Variants in GPR19 observed in about 807,000 individuals in gnomAD.
The protein encoded by GPR19 is G protein-coupled receptor 19.
In GPR19, 14 loss-of-function variants were observed where a neutral mutation model predicts 28.5. That is an observed-to-expected ratio of 0.49 (90% CI 0.32 to 0.77). GPR19 has a LOEUF of 0.77. Ranked by LOEUF, GPR19 falls within the 30% of genes least tolerant of loss-of-function variation. The pLI is 0.03. For missense variants in GPR19, 409 were observed against 504.1 expected (o/e 0.81, Z 1.81); for synonymous variants, 173 against 184.1 (o/e 0.94, Z 0.49).
the GPR19 span, among the ~76,000 whole-genome samples, chr12:12,709,944 A>C: frequency 1.1e-4 from 17 of 152,224 alleles, no homozygotes; most frequent in Non-Finnish European, 2.2e-4. Context: ...ACAGGGTTTC[A>C]TAATCTGCTG....
At chr12:12,668,419 G>A (rs921393458) in intron 3 of GPR19, among the ~76,000 whole-genome samples, 6 of 151,880 alleles carry the variant, frequency 4.0e-5, no homozygotes, top group Admixed American at 1.3e-4. Flanking sequence ...AAGAGGGAGC[G>A]GAGGACCACA....
upstream of GPR19, among the ~76,000 whole-genome samples, chr12:12,696,536 T>A (rs1341991165): frequency 2.0e-5 from 3 of 152,084 alleles, no homozygotes; most frequent in Non-Finnish European, 4.4e-5. Context: ...CACAACTACT[T>A]CTTCAGAAAC....
At chr12:12,669,573 C>T (rs539443529) in intron 3 of GPR19, among the ~76,000 whole-genome samples, 5 of 152,284 alleles carry the variant, frequency 3.3e-5, no homozygotes, top group African/African-American at 1.2e-4. Flanking sequence ...ATAGGGAACC[C>T]TGAGCCAACT....
chr12:12,666,042 G>T (rs911317927), intron 3 of GPR19, among the ~76,000 whole-genome samples: 2 of 152,092 alleles, frequency 1.3e-5, no homozygotes, highest in Admixed American at 6.6e-5. Flanking sequence ...CTTAGAGGAT[G>T]AATAGGACTT....
At chr12:12,705,031 C>T in the GPR19 span, among the ~76,000 whole-genome samples, 3 of 152,074 alleles carry the variant, frequency 2.0e-5, no homozygotes, top group Non-Finnish European at 4.4e-5. Flanking sequence ...ATAGAAGATC[C>T]GAGCAGATTA....
rs1241650934 is a variant in GPR19 at position 12,661,090 on chromosome 12, A to C, written c.*111T>G. ...GTAAACAAATGAATGCATTTTACAA[A>C]ATAAAACATTTCCCTTGGAAAGTTG... On this transcript the variant is annotated 3_prime_UTR_variant, in exon 4 of 4. Coordinates refer to ENST00000651487, the MANE Select transcript of GPR19 (RefSeq NM_006143.3). This position sits in a 1 kb window ranked among gnomAD's most constrained non-coding sequence, Gnocchi z 4.2. 3 of 753,466 alleles carry C rather than the reference A, an allele frequency of 4.0e-6. No homozygotes were observed. The highest frequency in any genetic ancestry group is 4.1e-6 in the Non-Finnish European group (2 of 484,924). 46.7% of individuals were successfully genotyped at this position (753,466 alleles called of 1,614,324 possible).
In GPR19 at chr12:12,694,764, T is replaced by C. The variant is rs183475265; in HGVS notation, c.-180+695A>G. On this transcript the variant is annotated intron_variant, in intron 2 of 3. Transcript: ENST00000651487. ...GTCTGATTCCCAATTGTACACACTT[T>C]ATATGACATCATATCGAGATGTCAT... Among the ~76,000 whole-genome samples the C allele has an allele frequency of 2.8e-3, 427 of 152,300 alleles. 4 individuals carry two copies. Among genetic ancestry groups the C allele is most frequent in the African/African-American group, 9.8e-3 (406 of 41,554 alleles).
At chr12:12,707,989 C>CTTTTTTTTTTTTTTT in the GPR19 span, among the ~76,000 whole-genome samples, 1 of 62,442 alleles carries the variant, frequency 1.6e-5, no homozygotes, top group African/African-American at 5.7e-5. Context: ...ATTTCCTATT[C>CTTTTTTTTTTTTTTT]TTTTTTTTTT....
rs547849710 is a variant in GPR19, at chr12:12,676,741, C to G, written c.-23+7610G>C. On this transcript the variant is annotated intron_variant, in intron 3 of 3. Transcript: ENST00000651487. ...ACCCCCGAGTGTCCTCTGTCAGTTT[C>G]TACACGTTTCTTCCCAGTATGAGGT... Among the ~76,000 whole-genome samples the G allele has an allele frequency of 6.6e-5, 10 of 152,346 alleles. No homozygotes were observed. In the South Asian group the frequency reaches 2.1e-3, roughly 32 times the overall value.
At chr12:12,713,057 C>CTT in the GPR19 span, among the ~76,000 whole-genome samples, 3,597 of 107,966 alleles carry the variant, frequency 0.033, 270 homozygotes, top group African/African-American at 0.11. Context: ...ATCTGATGCG[C>CTT]TTTTTTTTTT....
chr12:12,662,498 T>C (rs1317898376), intron 3 of GPR19, 28 bp from the exon 4 acceptor site: 1 of 1,548,170 alleles, frequency 6.5e-7, no homozygotes, highest in Non-Finnish European at 8.8e-7. Context: ...GAATGAGGCC[T>C]CCTGTTAAAA....
the GPR19 span, among the ~76,000 whole-genome samples, chr12:12,704,319 T>C: frequency 6.6e-6 from 1 of 152,124 alleles, no homozygotes; most frequent in Non-Finnish European, 1.5e-5. Flanking sequence ...CTGGCCAACA[T>C]TGTGAAACCC....
At chr12:12,679,797 G>A (rs192206770) in intron 3 of GPR19, among the ~76,000 whole-genome samples, 4 of 152,274 alleles carry the variant, frequency 2.6e-5, no homozygotes, top group Admixed American at 2.0e-4. Flanking sequence ...TGGGGTTCAA[G>A]TCACTTATAA....
At chr12:12,713,037 G>C in the GPR19 span, among the ~76,000 whole-genome samples, 1 of 147,640 alleles carries the variant, frequency 6.8e-6, no homozygotes. Context: ...TGCCTACCTG[G>C]TCCTATCTGA....
chr12:12,689,257 G>A (rs1464159179), intron 2 of GPR19, among the ~76,000 whole-genome samples: 5 of 152,214 alleles, frequency 3.3e-5, no homozygotes, highest in East Asian at 1.9e-4. Context: ...CAGGCCCCAC[G>A]TCCAATACCG....
At position 12,676,711 on chromosome 12, in the gene GPR19, C is replaced by G. The variant is rs529380889; in HGVS notation, c.-23+7640G>C. 4.6e-5 allele frequency among the ~76,000 whole-genome samples: 7 copies of G among 152,284 alleles called. No homozygotes were observed. In the East Asian group the frequency reaches 1.4e-3, roughly 29 times the overall value. The stretch of plus-strand genomic sequence containing the variant: ...AACCTCTCAGAGAAGAGACACATTT[C>G]TAGAACCCCCGAGTGTCCTCTGTCA... On this transcript the variant is annotated intron_variant, in intron 3 of 3. Transcript: ENST00000651487.
At chr12:12,673,470 A>G (rs1945882671) in intron 3 of GPR19, among the ~76,000 whole-genome samples, 1 of 152,220 alleles carries the variant, frequency 6.6e-6, no homozygotes, top group South Asian at 2.1e-4. Flanking sequence ...AGACTTACTA[A>G]GTAAGCAAAC....
intron 3 of GPR19, among the ~76,000 whole-genome samples, chr12:12,677,702 A>C (rs1432010333): frequency 2.0e-5 from 3 of 152,174 alleles, no homozygotes; most frequent in Non-Finnish European, 2.9e-5. Context: ...TATTCAGTAT[A>C]TTAGACAGTT....
At chr12:12,666,323 T>G (rs955586942) in intron 3 of GPR19, among the ~76,000 whole-genome samples, 1 of 152,228 alleles carries the variant, frequency 6.6e-6, no homozygotes, top group African/African-American at 2.4e-5. Flanking sequence ...TATTAGCATA[T>G]CCAGAATGGT....
Sources: gnomAD v4.1 joint callset for allele counts (sites outside exome capture counted in the v4.1 genomes callset) on GRCh38, gnomAD v4.1.1 for gene constraint, Gnocchi (gnomAD v3.1) non-coding constraint, MANE v1.5 for transcripts, NCBI Gene and HGNC (gene_info 2026-07-23, HGNC 2026-07-21) for gene names.